MYO10: variants seen among roughly 807,000 people sequenced by gnomAD.
MYO10 encodes the protein unconventional myosin-X.
MYO10 carries 133 observed loss-of-function variants against 257.3 expected under a neutral mutation model. That is an observed-to-expected ratio of 0.52 (90% CI 0.45 to 0.60). MYO10 has a LOEUF of 0.60. Among genes scored for constraint, MYO10 ranks in the 20% least tolerant of loss-of-function variants. The pLI is 0.00. For missense variants in MYO10, 2,399 were observed against 2,635.7 expected (o/e 0.91, Z 1.97); for synonymous variants, 1,104 against 1,028.6 (o/e 1.07, Z -1.40).
At chr5:16,823,545 C>G (rs1237423596) in intron 2 of MYO10, among the ~76,000 whole-genome samples, 1 of 131,670 alleles carries the variant, frequency 7.6e-6, no homozygotes, top group African/African-American at 2.8e-5. Flanking sequence ...AATCTCGGCT[C>G]ACTGCAAACT....
chr5:16,758,946 G>C (rs1740613232), intron 17 of MYO10, among the ~76,000 whole-genome samples: 1 of 151,308 alleles, frequency 6.6e-6, no homozygotes, highest in Non-Finnish European at 1.5e-5. Context: ...TTTTTAGACA[G>C]AGTTTCGCTC....
chr5:16,904,611 T>A (rs1745470615), intron 1 of MYO10, among the ~76,000 whole-genome samples: 2 of 152,178 alleles, frequency 1.3e-5, no homozygotes. Flanking sequence ...GGGGAACCCC[T>A]CACCCCACAA....
Position 16,666,613 on chromosome 5 carries a change from GGGCAT to G in MYO10, c.*74_*78del. 8.2e-7 allele frequency: 1 copy of G among 1,222,894 alleles called. No individual in the cohort carries two copies. The allele number at this position is 1,222,894 out of a possible 1,614,324, so 75.8% of individuals were successfully genotyped here. ...GGGCAGCTCTGTGTTTGTTTTGGCTGGGCATGGCACACTGGAGCCAGCCTAGGCCA... is the reference window on the plus strand; with the variant it reads ...GGGCAGCTCTGTGTTTGTTTTGGCTGGGCACACTGGAGCCAGCCTAGGCCA... On this transcript the variant is annotated 3_prime_UTR_variant, in exon 41 of 41. Coordinates refer to ENST00000513610, the MANE Select transcript of MYO10 (RefSeq NM_012334.3).
chr5:16,762,260 A>C, intron 15 of MYO10, 147 bp from the exon 16 acceptor site: 1 of 1,058,808 alleles, frequency 9.4e-7, no homozygotes, highest in African/African-American at 1.6e-5. Context: ...GACACGGCAT[A>C]TGGTGCACTT....
chr5:16,670,738 G>A lies in MYO10; in HGVS notation c.5671C>T (p.Arg1891Trp), dbSNP rs1400839578. 4.3e-6 allele frequency: 7 copies of A among 1,613,970 alleles called. No homozygotes were observed. Among genetic ancestry groups the A allele is most frequent in the Middle Eastern group, 1.6e-4 (1 of 6,062 alleles). ...ACCACGGATCCTGTCCGGAAGCTCC[G>A]CCTCAGGGTCCCCTCTAGGAAGCTC... ...RTSFLEGTLR[R>W]SFRTGSVVRQ... is the part of the protein sequence containing the mutation. Residue 1891 changes from arginine (R) to tryptophan (W), a missense_variant, in exon 39 of 41, where the codon CGG (arginine) becomes TGG (tryptophan). Transcript: ENST00000513610.
At chr5:16,881,982 G>A (rs1744766473) in intron 1 of MYO10, among the ~76,000 whole-genome samples, 1 of 152,186 alleles carries the variant, frequency 6.6e-6, no homozygotes, top group African/African-American at 2.4e-5. Context: ...TAAGCAGGTG[G>A]AACAAGTTTG....
At chr5:16,825,364 C>T (rs1182576109) in intron 2 of MYO10, among the ~76,000 whole-genome samples, 3 of 152,154 alleles carry the variant, frequency 2.0e-5, no homozygotes, top group Non-Finnish European at 1.5e-5. Flanking sequence ...CCATCACACG[C>T]CCACCCTGGA....
At chr5:16,722,679 G>T (rs1349973688) in intron 19 of MYO10, among the ~76,000 whole-genome samples, 2 of 152,126 alleles carry the variant, frequency 1.3e-5, no homozygotes, top group Non-Finnish European at 2.9e-5. Flanking sequence ...ACTTTCACAA[G>T]AATTAAGTAA....
At chr5:16,667,100 G>T (rs940343197) in intron 40 of MYO10, among the ~76,000 whole-genome samples, 1 of 152,192 alleles carries the variant, frequency 6.6e-6, no homozygotes, top group Non-Finnish European at 1.5e-5. Context: ...GAAGTTACTC[G>T]GTGTCAACAG....
At chr5:16,670,197 T>C (rs1736376746) in intron 39 of MYO10, among the ~76,000 whole-genome samples, 1 of 152,222 alleles carries the variant, frequency 6.6e-6, no homozygotes, top group East Asian at 1.9e-4. Flanking sequence ...GTTTCTAATT[T>C]GTATATACAG....
Position 16,794,851 on chromosome 5 carries a change from GACAGGGATGCGTCACTTCTAACCCAGGCC to G in MYO10, c.280-47_280-19del. 6.9e-7 allele frequency: 1 copy of G among 1,459,626 alleles called. No homozygotes were observed. Among genetic ancestry groups the G allele is most frequent in the Non-Finnish European group, 9.1e-7 (1 of 1,096,342 alleles). The allele number at this position is 1,459,626 out of a possible 1,614,324, so 90.4% of individuals were successfully genotyped here. A position where few individuals can be genotyped will look rare whatever the true frequency, so the allele number is the denominator to read the frequency against. On this transcript the variant is annotated intron_variant, in intron 3 of 40. Coordinates refer to ENST00000513610, the MANE Select transcript of MYO10 (RefSeq NM_012334.3). ...ATGTAGGTCTGCAAGCACAGAGTGA[GACAGGGATGCGTCACTTCTAACCCAGGCC>G]ACTGGATGAGCTCCAACAAAACCCA...
chr5:16,823,467 G>GGGGTTTTTTTGTTTTTTTTTTTTTTTTTT (rs1561003861), intron 2 of MYO10, among the ~76,000 whole-genome samples: 1 of 3,978 alleles, frequency 2.5e-4, no homozygotes, highest in African/African-American at 9.8e-4. Flanking sequence ...GGGGAGTGGG[G>GGGGTTTTTTTGTTTTTTTTTTTTTTTTTT]ATTTTTTTTT....
intron 27 of MYO10, among the ~76,000 whole-genome samples, chr5:16,691,546 A>G (rs1456277890): frequency 6.6e-6 from 1 of 151,900 alleles, no homozygotes; most frequent in Admixed American, 6.6e-5. Flanking sequence ...TAAAAATACA[A>G]AAATTAGCCA....
At chr5:16,873,775 G>A (rs1744512515) in intron 2 of MYO10, among the ~76,000 whole-genome samples, 1 of 152,186 alleles carries the variant, frequency 6.6e-6, no homozygotes, top group Non-Finnish European at 1.5e-5. Context: ...AGCCTGAGCT[G>A]TACATTGGCC....
chr5:16,741,517 T>TA (rs1560959509), intron 19 of MYO10, among the ~76,000 whole-genome samples: 1 of 152,198 alleles, frequency 6.6e-6, no homozygotes, highest in Admixed American at 6.5e-5. Flanking sequence ...AACCTAATAT[T>TA]AAAAAAGAAG....
At chr5:16,752,831 C>T (rs11954704) in intron 19 of MYO10, among the ~76,000 whole-genome samples, 3,717 of 152,232 alleles carry the variant, frequency 0.024, 173 homozygotes, top group African/African-American at 0.084. Context: ...AGAGATGTTC[C>T]AACTATTAAT....
Position 16,734,620 on chromosome 5 carries a change from C to T in MYO10, c.1929+20208G>A, listed in dbSNP as rs575381914. Among the ~76,000 whole-genome samples the T allele has an allele frequency of 7.2e-5, 11 of 152,178 alleles. 1 individual carries two copies. The highest frequency in any genetic ancestry group is 2.2e-4 in the African/African-American group (9 of 41,522). On this transcript the variant is annotated intron_variant, in intron 19 of 40. Coordinates refer to ENST00000513610, the MANE Select transcript of MYO10 (RefSeq NM_012334.3). ...AGGAGTTCGAGACCAGCCTGGCCAA[C>T]ATGGTGAAACCCCGTCTCTACTAAA...
chr5:16,807,234 G>A (rs963055157), intron 3 of MYO10, among the ~76,000 whole-genome samples: 1 of 152,084 alleles, frequency 6.6e-6, no homozygotes, highest in Non-Finnish European at 1.5e-5. Context: ...AGATCCATAT[G>A]TTCAGTGGTC....
chr5:16,824,799 G>T (rs191820842), intron 2 of MYO10, among the ~76,000 whole-genome samples: 340 of 152,184 alleles, frequency 2.2e-3, no homozygotes, highest in South Asian at 0.02. Flanking sequence ...CCCGGGAGGC[G>T]GAGGTTGCAG....
Sources: allele counts gnomAD v4.1 joint callset (sites outside exome capture counted in the v4.1 genomes callset), GRCh38; gene constraint gnomAD v4.1.1; transcripts MANE v1.5; gene names NCBI Gene and HGNC (gene_info 2026-07-23, HGNC 2026-07-21).